PCDHA5: variants seen among roughly 807,000 people sequenced by gnomAD.
PCDHA5 encodes the protein protocadherin alpha-5.
Under a neutral mutation model 61.6 loss-of-function variants are expected in PCDHA5, and 43 were observed. The ratio of observed to expected loss-of-function variants is 0.70; its 90% CI spans 0.55 to 0.90. The LOEUF (loss-of-function observed/expected upper bound fraction) is 0.90, where lower values mean the gene tolerates loss of function less well. Among genes scored for constraint, PCDHA5 ranks in the 40% least tolerant of loss-of-function variants. The pLI, the probability that PCDHA5 is intolerant of heterozygous loss-of-function variation, is 0.00. For missense variants in PCDHA5, 1,298 were observed against 1,222.7 expected (o/e 1.06, Z -0.92); for synonymous variants, 627 against 543.9 (o/e 1.15, Z -2.13).
At chr5:140,950,882 G>C (rs1182849126) in intron 1 of PCDHA5, among the ~76,000 whole-genome samples, 1 of 151,764 alleles carries the variant, frequency 6.6e-6, no homozygotes, top group Non-Finnish European at 1.5e-5. Flanking sequence ...TTGTTCAATA[G>C]GTCTCTGAGA....
chr5:140,976,374 A>G (rs1163913998), intron 1 of PCDHA5, among the ~76,000 whole-genome samples: 2 of 152,040 alleles, frequency 1.3e-5, no homozygotes, highest in Non-Finnish European at 2.9e-5. Context: ...AACATGGTGA[A>G]ACCCCATCTC....
intron 1 of PCDHA5, chr5:140,926,974 G>T (rs145276602): frequency 2.2e-4 from 360 of 1,610,140 alleles, no homozygotes; most frequent in Middle Eastern, 1.2e-3. Context: ...CTCAGTGCCG[G>T]AGGAGACGGA....
chr5:140,856,225 G>C (rs1554148421), intron 1 of PCDHA5: 1 of 1,598,066 alleles, frequency 6.3e-7, no homozygotes, highest in Admixed American at 1.7e-5. Context: ...CGGAGCTGGT[G>C]CAGCGCCTGT....
At chr5:140,851,161 T>C in intron 1 of PCDHA5, 1 of 1,297,820 alleles carries the variant, frequency 7.7e-7, no homozygotes, top group East Asian at 2.8e-5. Flanking sequence ...TCTGATGCTA[T>C]GCTGCCATAA....
At chr5:140,969,733 T>C (rs1299165103) in intron 1 of PCDHA5, among the ~76,000 whole-genome samples, 1 of 152,242 alleles carries the variant, frequency 6.6e-6, no homozygotes, top group Non-Finnish European at 1.5e-5. Context: ...TTTGAAATCC[T>C]ATATGAGTGA....
At position 140,822,988 on chromosome 5, in the gene PCDHA5, T is replaced by C; in HGVS notation, c.1213T>C (p.Ser405Pro). 6.2e-7 allele frequency: 1 copy of C among 1,614,222 alleles called. No individual in the cohort carries two copies. The highest frequency in any genetic ancestry group is 1.1e-5 in the South Asian group (1 of 91,088). The change falls in exon 1 of 4, where the codon TCG (serine) becomes CCG (proline). Residue 405 changes from serine (S) to proline (P), a missense_variant. Transcript: ENST00000529859. ...KLVSTFKNYY[S>P]LVLDSALDRE... ...GGTGTCCACCTTCAAGAATTACTACTCGTTGGTGCTGGACAGCGCCCTGGA... is the reference window on the plus strand; with the variant it reads ...GGTGTCCACCTTCAAGAATTACTACCCGTTGGTGCTGGACAGCGCCCTGGA...
intron 1 of PCDHA5, among the ~76,000 whole-genome samples, chr5:140,944,593 T>C (rs187929896): frequency 2.6e-5 from 4 of 152,318 alleles, no homozygotes; most frequent in African/African-American, 9.6e-5. Context: ...AGAATTTCCC[T>C]GGGTAGAGTA....
chr5:140,879,872 T>C (rs944464993), intron 1 of PCDHA5, among the ~76,000 whole-genome samples: 1 of 152,208 alleles, frequency 6.6e-6, no homozygotes, highest in African/African-American at 2.4e-5. Context: ...GCTTTCATGG[T>C]CACATTGCCT....
chr5:140,896,687 T>G (rs782089227), intron 1 of PCDHA5, among the ~76,000 whole-genome samples: 2 of 152,170 alleles, frequency 1.3e-5, no homozygotes, highest in Non-Finnish European at 2.9e-5. Context: ...CTTTGCCCAT[T>G]TTTTGATGAG....
chr5:140,954,316 C>T (rs1406547197), intron 1 of PCDHA5, among the ~76,000 whole-genome samples: 6 of 152,140 alleles, frequency 3.9e-5, no homozygotes, highest in South Asian at 4.1e-4. Context: ...GGGATTGCTG[C>T]GTCAAATGGT....
intron 1 of PCDHA5, chr5:140,850,399 G>C: frequency 6.3e-7 from 1 of 1,597,978 alleles, no homozygotes; most frequent in Non-Finnish European, 8.6e-7. Flanking sequence ...AGCACAACGC[G>C]TGCCCTGGAC....
At chr5:140,987,944 T>C (rs910006070) in intron 3 of PCDHA5, among the ~76,000 whole-genome samples, 11 of 152,186 alleles carry the variant, frequency 7.2e-5, no homozygotes, top group African/African-American at 2.7e-4. Context: ...CTTACCTGTC[T>C]GACAAAACCA....
At chr5:140,946,165 G>A (rs1554217364) in intron 1 of PCDHA5, among the ~76,000 whole-genome samples, 5 of 151,838 alleles carry the variant, frequency 3.3e-5, no homozygotes, top group African/African-American at 1.2e-4. Flanking sequence ...TTAAAAGATG[G>A]GTAAAGGATG....
intron 1 of PCDHA5, among the ~76,000 whole-genome samples, chr5:140,952,596 GTT>G (rs1246642070): frequency 6.6e-6 from 1 of 152,136 alleles, no homozygotes; most frequent in Non-Finnish European, 1.5e-5. Flanking sequence ...TCTCTAGGAA[GTT>G]CTAAGCTCTC....
intron 3 of PCDHA5, among the ~76,000 whole-genome samples, chr5:140,986,896 A>G (rs1221599593): frequency 2.6e-5 from 4 of 152,184 alleles, no homozygotes; most frequent in African/African-American, 4.8e-5. Context: ...CTTAGGCCCT[A>G]TCCTAGACTA....
In PCDHA5 at chr5:140,823,022, G is replaced by A. The variant is rs2150121386; in HGVS notation, c.1247G>A (p.Ser416Asn). The change falls in exon 1 of 4, where the codon AGC becomes AAC. Residue 416 changes from serine (S) to asparagine (N), a missense_variant. Ser to Asn is a conservative substitution (Grantham distance 46, BLOSUM62 1). Transcript: ENST00000529859. ...LVLDSALDRE[S>N]VSVYELVVTA... ...CTGGACAGCGCCCTGGACCGCGAGAGCGTGTCGGTCTATGAGCTGGTGGTG... is the reference window on the plus strand; with the variant it reads ...CTGGACAGCGCCCTGGACCGCGAGAACGTGTCGGTCTATGAGCTGGTGGTG... The A allele has an allele frequency of 5.0e-6, 8 of 1,614,116 alleles. No homozygotes were observed. Among genetic ancestry groups the A allele is most frequent in the Non-Finnish European group, 5.9e-6 (7 of 1,180,052 alleles).
At chr5:140,967,320 A>G in intron 1 of PCDHA5, 6 of 1,609,774 alleles carry the variant, frequency 3.7e-6, no homozygotes, top group Non-Finnish European at 5.1e-6. Context: ...GTACAGACCT[A>G]CGAGCTCAGC....
chr5:140,876,106 C>G, intron 1 of PCDHA5: 1 of 1,613,942 alleles, frequency 6.2e-7, no homozygotes, highest in Admixed American at 1.7e-5. Context: ...CAATTTATTG[C>G]TGATGGTAAT....
At chr5:140,830,548 A>G in intron 1 of PCDHA5, 1 of 1,123,746 alleles carries the variant, frequency 8.9e-7, no homozygotes, top group Non-Finnish European at 1.2e-6. Context: ...TTTTCCTCAT[A>G]TTTGTCTTCT....
Sources: allele counts gnomAD v4.1 joint callset (sites outside exome capture counted in the v4.1 genomes callset), GRCh38; gene constraint gnomAD v4.1.1; transcripts MANE v1.5; gene names NCBI Gene and HGNC (gene_info 2026-07-23, HGNC 2026-07-21).